Variants in ROBO2 observed in about 807,000 individuals in gnomAD.
ROBO2 encodes the protein roundabout homolog 2.
A neutral mutation model predicts 160.8 loss-of-function variants in ROBO2; 53 were observed. That is an observed-to-expected ratio of 0.33 (90% CI 0.26 to 0.41). The LOEUF (loss-of-function observed/expected upper bound fraction) is 0.41. ROBO2 is among the 10% of genes least tolerant of loss of function. ROBO2 has a pLI of 1.00. For missense variants in ROBO2, 1,577 were observed against 1,722.4 expected, an observed-to-expected ratio of 0.92 and a Z score of 1.49; for synonymous variants, 664 against 611.7, an observed-to-expected ratio of 1.09 and a Z score of -1.26.
intron 2 of ROBO2, among the ~76,000 whole-genome samples, chr3:77,265,506 G>A (rs1395490238): frequency 6.6e-6 from 1 of 152,088 alleles, no homozygotes; most frequent in African/African-American, 2.4e-5. Flanking sequence ...TACACTTGCA[G>A]AAATGAAATG....
intron 2 of ROBO2, among the ~76,000 whole-genome samples, chr3:76,645,366 T>C (rs1486910390): frequency 6.6e-6 from 1 of 152,208 alleles, no homozygotes; most frequent in Non-Finnish European, 1.5e-5. Flanking sequence ...GGCTGTAGAA[T>C]ATATGAACTT....
intron 1 of ROBO2, among the ~76,000 whole-genome samples, chr3:77,084,088 C>G (rs993173082): frequency 7.9e-5 from 12 of 152,194 alleles, no homozygotes; most frequent in Admixed American, 7.9e-4. Context: ...AGACAATTCA[C>G]ACTTCTAGTT....
chr3:76,396,914 G>T (rs75130968), intron 2 of ROBO2, among the ~76,000 whole-genome samples: 1 of 151,840 alleles, frequency 6.6e-6, no homozygotes, highest in Non-Finnish European at 1.5e-5. Context: ...TAATTTATAG[G>T]TTCAATGCCA....
chr3:76,252,641 A>G (rs575155736), intron 2 of ROBO2, among the ~76,000 whole-genome samples: 1 of 151,914 alleles, frequency 6.6e-6, no homozygotes, highest in African/African-American at 2.4e-5. Context: ...AAATAAAAAA[A>G]GGTATGTTGT....
At chr3:76,656,952 GTCTTTAACTGGCTC>G (rs2091555808) in intron 2 of ROBO2, among the ~76,000 whole-genome samples, 1 of 152,104 alleles carries the variant, frequency 6.6e-6, no homozygotes, top group Non-Finnish European at 1.5e-5. Flanking sequence ...TCTCTATTTA[GTCTTTAACTGGCTC>G]TCTATTTTGG....
chr3:77,582,489 A>G (rs986951115), intron 16 of ROBO2, among the ~76,000 whole-genome samples: 2 of 152,108 alleles, frequency 1.3e-5, no homozygotes, highest in Non-Finnish European at 2.9e-5. Context: ...TAGAATTACT[A>G]TCTTGCTATT....
At chr3:77,513,429 C>G (rs1189622073) in intron 5 of ROBO2, among the ~76,000 whole-genome samples, 1 of 151,666 alleles carries the variant, frequency 6.6e-6, no homozygotes, top group Non-Finnish European at 1.5e-5. Context: ...AATCTTTCCA[C>G]TAGGTAGGAA....
Position 76,381,562 on chromosome 3 carries a change from G to C in ROBO2, c.109+443960G>C, listed in dbSNP as rs555773017. ...GATGGGGTTTCACCATGTTAGCCAG[G>C]GTGATCTCAATCTCCTGACTTCATG... is the stretch of plus-strand genomic sequence containing the variant. On this transcript the variant is annotated intron_variant, in intron 2 of 26. Coordinates refer to the ROBO2 transcript ENST00000487694. Among the ~76,000 whole-genome samples, 3 of 152,090 alleles carry C rather than the reference G, an allele frequency of 2.0e-5. No individual in the cohort carries two copies. The East Asian group carries it at 5.8e-4, about 29-fold the overall frequency.
chr3:76,604,655 T>C lies in ROBO2; in HGVS notation c.110-493359T>C, dbSNP rs2087497330. The stretch of plus-strand genomic sequence containing the variant: ...AATAATTAGATCTGGACCAACCTAC[T>C]CTAGTTAATTGTTATTGTAGTTATG... On this transcript the variant is annotated intron_variant, in intron 2 of 26. Transcript: ENST00000487694. 2.0e-5 allele frequency among the ~76,000 whole-genome samples: 3 copies of C among 152,174 alleles called. No homozygotes were observed. In the South Asian group the frequency reaches 6.2e-4, roughly 32 times the overall value.
chr3:76,484,305 G>C lies in ROBO2; in HGVS notation c.109+546703G>C, dbSNP rs376802407. Among the ~76,000 whole-genome samples the C allele has an allele frequency of 2.6e-4, 39 of 152,094 alleles. 1 individual carries two copies. The highest frequency in any genetic ancestry group is 2.1e-3 in the South Asian group (10 of 4,818). On this transcript the variant is annotated intron_variant, in intron 2 of 26. Coordinates refer to the ROBO2 transcript ENST00000487694. ...TTGGAGAGGGAAAAATGGTTGGTAG[G>C]GCTACATCTTCTTCTTAATGTAAAA... is the stretch of plus-strand genomic sequence containing the variant.
At chr3:77,580,673 T>A (rs936263350) in intron 16 of ROBO2, among the ~76,000 whole-genome samples, 5 of 152,204 alleles carry the variant, frequency 3.3e-5, no homozygotes, top group Admixed American at 1.3e-4. Flanking sequence ...TGTGATTTTT[T>A]AAATCTGGTT....
At chr3:76,980,944 G>A (rs2060067387) in intron 2 of ROBO2, among the ~76,000 whole-genome samples, 1 of 151,926 alleles carries the variant, frequency 6.6e-6, no homozygotes, top group African/African-American at 2.4e-5. Context: ...ATATCATCTT[G>A]TCCTTTATCA....
At position 76,118,050 on chromosome 3, in the gene ROBO2, G is replaced by A. The variant is rs183601903; in HGVS notation, c.109+180448G>A. On this transcript the variant is annotated intron_variant, in intron 2 of 26. Coordinates refer to the ROBO2 transcript ENST00000487694. Reference sequence around the variant, plus strand: ...AGGAGATATACCTAATGGAAATGACGAGTTAATGGGTGCAGCACACCAACA... The same window carrying A: ...AGGAGATATACCTAATGGAAATGACAAGTTAATGGGTGCAGCACACCAACA... Among the ~76,000 whole-genome samples, 475 of 152,152 alleles carry A rather than the reference G, an allele frequency of 3.1e-3. 1 individual carries two copies. The highest frequency in any genetic ancestry group is 0.01 in the African/African-American group (416 of 41,520).
At chr3:76,938,144 G>A (rs1048305041) in intron 2 of ROBO2, among the ~76,000 whole-genome samples, 4 of 151,880 alleles carry the variant, frequency 2.6e-5, no homozygotes, top group Non-Finnish European at 5.9e-5. Flanking sequence ...AGATCACGAG[G>A]TTAAGAGATT....
chr3:77,474,406 T>G (rs542438331), intron 2 of ROBO2, among the ~76,000 whole-genome samples: 1 of 152,246 alleles, frequency 6.6e-6, no homozygotes, highest in African/African-American at 2.4e-5. Flanking sequence ...AGGGGACGCT[T>G]TCCCTTGGCC....
At chr3:76,712,035 G>A (rs2093303959) in intron 2 of ROBO2, among the ~76,000 whole-genome samples, 1 of 152,130 alleles carries the variant, frequency 6.6e-6, no homozygotes, top group African/African-American at 2.4e-5. Context: ...TTTATAATAA[G>A]GGGTTACCAA....
At chr3:77,066,065 C>G (rs2066810042) in intron 1 of ROBO2, among the ~76,000 whole-genome samples, 1 of 151,900 alleles carries the variant, frequency 6.6e-6, no homozygotes, top group Non-Finnish European at 1.5e-5. Flanking sequence ...CAGACCATGT[C>G]TGTTCACTTG....
intron 5 of ROBO2, among the ~76,000 whole-genome samples, chr3:77,502,473 C>T (rs1208529211): frequency 6.6e-6 from 1 of 151,936 alleles, no homozygotes; most frequent in Admixed American, 6.6e-5. Flanking sequence ...TCTATTTTTT[C>T]TCATGGAATG....
In ROBO2 at chr3:76,391,559, A is replaced by G. The variant is rs561850860; in HGVS notation, c.109+453957A>G. ...GAGATGGAATCTCGCTCCATTGCCC[A>G]GGCTGGAGTGTGAGTGCAGTGGCAC... On this transcript the variant is annotated intron_variant, in intron 2 of 26. Coordinates refer to the ROBO2 transcript ENST00000487694. Among the ~76,000 whole-genome samples, 40 of 151,728 alleles carry G rather than the reference A, an allele frequency of 2.6e-4. 1 individual carries two copies. Among genetic ancestry groups the G allele is most frequent in the African/African-American group, 9.7e-4 (40 of 41,340 alleles).
Sources: gnomAD v4.1 joint callset for allele counts (sites outside exome capture counted in the v4.1 genomes callset) on GRCh38, gnomAD v4.1.1 for gene constraint, MANE v1.5 for transcripts, NCBI Gene and HGNC (gene_info 2026-07-23, HGNC 2026-07-21) for gene names.